Variants in CPSF4L observed in about 807,000 individuals in gnomAD.
The protein encoded by CPSF4L is cleavage and polyadenylation specific factor 4 like.
CPSF4L carries 18 observed loss-of-function variants against 24.0 expected under a neutral mutation model. The ratio of observed to expected loss-of-function variants is 0.75; its 90% CI spans 0.52 to 1.11. CPSF4L has a LOEUF of 1.11. Ranked by LOEUF, CPSF4L falls within the 50% of genes least tolerant of loss-of-function variation. The pLI, the probability that CPSF4L is intolerant of heterozygous loss-of-function variation, is 0.00. For synonymous variants in CPSF4L, 72 were observed against 77.2 expected (o/e 0.93, Z 0.35); for missense variants, 211 against 221.8 (o/e 0.95, Z 0.31).
upstream of CPSF4L, chr17:73,261,962 C>T (rs574042222): frequency 4.5e-5 from 29 of 650,984 alleles, no homozygotes; most frequent in South Asian, 8.9e-5. Flanking sequence ...CTGCAGGGGA[C>T]GCTCCAGCCT....
At chr17:73,245,512 TAAGA>T, downstream of CPSF4L, 1 of 985,388 alleles carries the variant, frequency 1.0e-6, no homozygotes, top group South Asian at 4.7e-5. Context: ...TCACTAAAAT[TAAGA>T]AGTCACTTCT....
At chr17:73,247,542 C>A, downstream of CPSF4L, 1 of 535,078 alleles carries the variant, frequency 1.9e-6, no homozygotes, top group Non-Finnish European at 3.3e-6. Context: ...GGTGCTGAAA[C>A]ATAATGAAAA....
At chr17:73,248,960 G>A (rs572973335) in intron 5 of CPSF4L, 30 of 166,320 alleles carry the variant, frequency 1.8e-4, no homozygotes, top group Middle Eastern at 2.9e-3. Context: ...AATATAAAAA[G>A]TACTCCCCTG....
At chr17:73,249,323 T>C (rs4969088) in intron 5 of CPSF4L, among the ~76,000 whole-genome samples, 112,431 of 152,112 alleles carry the variant, frequency 0.74, 42,589 homozygotes, top group Non-Finnish European at 0.82. Flanking sequence ...TTTTTACATG[T>C]GTTTTCTCCT....
At chr17:73,242,760 G>A in the CPSF4L span, 1 of 642,344 alleles carries the variant, frequency 1.6e-6, no homozygotes. Flanking sequence ...TAGCCTTTAT[G>A]TGTTTAAAAT....
intron 2 of CPSF4L, among the ~76,000 whole-genome samples, chr17:73,258,128 A>G (rs1171254144): frequency 6.6e-6 from 1 of 150,484 alleles, no homozygotes; most frequent in African/African-American, 2.5e-5. Context: ...TCCTGCCTCC[A>G]TTTCCTGAGT....
rs1265283876 is a variant in CPSF4L at position 73,252,556 on chromosome 17, T to TA, written c.497+73dup. ...ATTTTCCACTAAGGACCAGCGAAGG[T>TA]ATGGAAAGATCTAGAACTAGAAGGC... On this transcript the variant is annotated intron_variant, in intron 5 of 5. Coordinates refer to ENST00000344935, the MANE Select transcript of CPSF4L (RefSeq NM_001129885.1). 8 of 889,416 alleles carry TA rather than the reference T, an allele frequency of 9.0e-6. No individual in the cohort carries two copies. In the Admixed American group the frequency reaches 1.4e-4, roughly 16 times the overall value. The allele number at this position is 889,416 out of a possible 1,614,324, so 55.1% of individuals were successfully genotyped here. A position where few individuals can be genotyped will look rare whatever the true frequency, so the allele number is the denominator to read the frequency against.
At chr17:73,261,021 C>A in intron 1 of CPSF4L, 38 bp from the exon 2 acceptor site, 1 of 1,520,062 alleles carries the variant, frequency 6.6e-7, no homozygotes, top group South Asian at 1.2e-5. Flanking sequence ...GTAGCTTCCC[C>A]AGAGGCTGCA....
chr17:73,248,305 G>T (rs1457874175), downstream of CPSF4L: 1 of 598,682 alleles, frequency 1.7e-6, no homozygotes, highest in African/African-American at 1.9e-5. Context: ...CGCTTCAGGT[G>T]TGAGGCGGGG....
intron 5 of CPSF4L, 23 bp from the exon 6 acceptor site, chr17:73,248,559 G>T (rs2061984232): frequency 1.9e-6 from 3 of 1,551,278 alleles, no homozygotes; most frequent in Non-Finnish European, 2.6e-6. Context: ...TACAAATGCA[G>T]CGTGAGAATC....
downstream of CPSF4L, chr17:73,247,693 TTAA>T (rs1232173811): frequency 5.4e-6 from 1 of 184,272 alleles, no homozygotes; most frequent in African/African-American, 2.4e-5. Context: ...AGATCCTGTA[TTAA>T]TAAGAAGACA....
chr17:73,247,262 C>T (rs964198968), downstream of CPSF4L: 1 of 1,614,156 alleles, frequency 6.2e-7, no homozygotes, highest in Non-Finnish European at 8.5e-7. Context: ...CGACCCCTGC[C>T]CTGGAAGAGC....
intron 5 of CPSF4L, among the ~76,000 whole-genome samples, chr17:73,251,407 G>A (rs993642171): frequency 2.6e-5 from 4 of 152,212 alleles, no homozygotes; most frequent in South Asian, 2.1e-4. Context: ...TCCAGTGCTC[G>A]GAGGCCCCAG....
intron 4 of CPSF4L, 47 bp downstream of exon 4, chr17:73,253,884 C>T: frequency 5.1e-6 from 7 of 1,369,620 alleles, no homozygotes; most frequent in Non-Finnish European, 7.1e-6. Flanking sequence ...AGAGCTCCCA[C>T]CCTGATCCCC....
intron 5 of CPSF4L, chr17:73,251,190 C>T: frequency 7.3e-7 from 1 of 1,363,262 alleles, no homozygotes; most frequent in Non-Finnish European, 9.6e-7. Context: ...GGGACGCTGG[C>T]CATGCATTTA....
chr17:73,262,882 CTGGCTGTTGTTCCCCG>C (rs1437052325), upstream of CPSF4L, among the ~76,000 whole-genome samples: 1 of 152,204 alleles, frequency 6.6e-6, no homozygotes, highest in Non-Finnish European at 1.5e-5. Context: ...AACTAGCCTG[CTGGCTGTTGTTCCCCG>C]TGGCTGTTGC....
intron 4 of CPSF4L, 31 bp from the exon 5 acceptor site, chr17:73,252,754 ATCCGCTTCAGCAAG>A: frequency 6.8e-7 from 1 of 1,470,354 alleles, no homozygotes; most frequent in Non-Finnish European, 9.3e-7. Context: ...GATGAGAAGG[ATCCGCTTCAGCAAG>A]AGGGGAAAAC....
At chr17:73,262,088 G>A, upstream of CPSF4L, 1 of 451,578 alleles carries the variant, frequency 2.2e-6, no homozygotes, top group Non-Finnish European at 4.0e-6. Context: ...GATAGGGAGG[G>A]ATTCGCAGAG....
rs1370864924 is a variant in CPSF4L, at chr17:73,261,116, C to A, written c.104-133G>T. 8.7e-6 allele frequency: 6 copies of A among 685,962 alleles called. No individual in the cohort carries two copies. The Admixed American group carries it at 1.3e-4, about 15-fold the overall frequency. The allele number at this position is 685,962 out of a possible 1,614,324, so 42.5% of individuals were successfully genotyped here. On this transcript the variant is annotated intron_variant, in intron 1 of 5. Transcript: ENST00000344935. ...GGCCTATGGGATCCCAAATCTGGGCCCTGTAGAGGTTAACCTGCAGAGCCA... is the reference window on the plus strand; with the variant it reads ...GGCCTATGGGATCCCAAATCTGGGCACTGTAGAGGTTAACCTGCAGAGCCA...
Sources: gnomAD v4.1 joint callset for allele counts (sites outside exome capture counted in the v4.1 genomes callset) on GRCh38, gnomAD v4.1.1 for gene constraint, MANE v1.5 for transcripts, NCBI Gene and HGNC (gene_info 2026-07-23, HGNC 2026-07-21) for gene names.